DOCK10: variants seen among roughly 807,000 people sequenced by gnomAD.
The protein encoded by DOCK10 is dedicator of cytokinesis protein 10.
A neutral mutation model predicts 280.1 loss-of-function variants in DOCK10; 145 were observed. The ratio of observed to expected loss-of-function variants is 0.52; its 90% CI spans 0.45 to 0.59. DOCK10 has a LOEUF of 0.59. Among genes scored for constraint, DOCK10 ranks in the 20% least tolerant of loss-of-function variants. The pLI is 0.00. For missense variants in DOCK10, 2,368 were observed against 2,651.7 expected, an observed-to-expected ratio of 0.89 and a Z score of 2.35; for synonymous variants, 915 against 942.2, an observed-to-expected ratio of 0.97 and a Z score of 0.53.
Position 224,856,846 on chromosome 2 carries a change from T to TA in DOCK10, c.1808+13dup, listed in dbSNP as rs750422078. The TA allele has an allele frequency of 1.9e-5, 31 of 1,590,222 alleles. No homozygotes were observed. Among genetic ancestry groups the TA allele is most frequent in the South Asian group, 6.8e-5 (6 of 87,780 alleles). On this transcript the variant is annotated intron_variant, in intron 15 of 55. Coordinates refer to ENST00000258390, the MANE Select transcript of DOCK10 (RefSeq NM_014689.3). ...CTGATTTATGTTAATTTCGAGAGTATAAAAAAAACATACCTTCTATAATCT... is the reference window on the plus strand; with the variant it reads ...CTGATTTATGTTAATTTCGAGAGTATAAAAAAAAACATACCTTCTATAATCT...
Position 224,765,102 on chromosome 2 carries a change from G to A in DOCK10, c.*619C>T, listed in dbSNP as rs1360221741. 1 of 152,336 alleles carries A rather than the reference G, an allele frequency of 6.6e-6. No homozygotes were observed. The highest frequency in any genetic ancestry group is 6.6e-5 in the Admixed American group (1 of 15,258). 9.4% of individuals were successfully genotyped at this position (152,336 alleles called of 1,614,324 possible). A position where few individuals can be genotyped will look rare whatever the true frequency, so the allele number is the denominator to read the frequency against. Reference sequence around the variant, plus strand: ...ACAGGAAACCAAATGCAAAGTAACTGTGTTTTTTATTTCTATGAACAATAA... The same window carrying A: ...ACAGGAAACCAAATGCAAAGTAACTATGTTTTTTATTTCTATGAACAATAA... On this transcript the variant is annotated 3_prime_UTR_variant, in exon 56 of 56. Coordinates refer to ENST00000258390, the MANE Select transcript of DOCK10 (RefSeq NM_014689.3).
chr2:224,848,258 A>G (rs971330627), intron 19 of DOCK10, among the ~76,000 whole-genome samples: 10 of 152,214 alleles, frequency 6.6e-5, no homozygotes, highest in Non-Finnish European at 1.0e-4. Context: ...CTAAATGGTG[A>G]TAATGTGTGA....
At chr2:224,857,915 C>T (rs111663080) in intron 14 of DOCK10, among the ~76,000 whole-genome samples, 1 of 152,028 alleles carries the variant, frequency 6.6e-6, no homozygotes, top group South Asian at 2.1e-4. Flanking sequence ...TTAAATAGAA[C>T]ACCAAAAGAA....
chr2:225,009,445 T>A (rs529895810), intron 1 of DOCK10, among the ~76,000 whole-genome samples: 1 of 152,244 alleles, frequency 6.6e-6, no homozygotes, highest in Admixed American at 6.5e-5. Context: ...TGTCCACTTA[T>A]TAGCTTCAAT....
chr2:224,855,981 T>C (rs1289003420), intron 15 of DOCK10, among the ~76,000 whole-genome samples: 1 of 152,222 alleles, frequency 6.6e-6, no homozygotes, highest in Non-Finnish European at 1.5e-5. Context: ...TCTAAGTGTA[T>C]GGTGGAAATG....
chr2:225,012,446 C>T (rs959832918), intron 1 of DOCK10, among the ~76,000 whole-genome samples: 2 of 152,182 alleles, frequency 1.3e-5, no homozygotes, highest in African/African-American at 4.8e-5. Flanking sequence ...TAATTTTGTA[C>T]TAAATTCCAT....
intron 3 of DOCK10, among the ~76,000 whole-genome samples, chr2:224,909,807 T>TTTTTTTTTTTTTTTTTTTTGTTTTTTG (rs1553611074): frequency 2.0e-5 from 3 of 151,958 alleles, no homozygotes; most frequent in South Asian, 2.1e-4. Flanking sequence ...TGCAGTGTTT[T>TTTTTTTTTTTTTTTTTTTTGTTTTTTG]AATGGATGTG....
At chr2:224,873,422 C>CA (rs1223191879) in intron 11 of DOCK10, among the ~76,000 whole-genome samples, 2 of 151,430 alleles carry the variant, frequency 1.3e-5, no homozygotes, top group Non-Finnish European at 2.9e-5. Context: ...ATAAGAAATA[C>CA]AAAAAAATTA....
At chr2:224,780,205 T>C (rs1691218583) in intron 50 of DOCK10, among the ~76,000 whole-genome samples, 1 of 152,230 alleles carries the variant, frequency 6.6e-6, no homozygotes, top group Non-Finnish European at 1.5e-5. Flanking sequence ...GTTGAAAGCA[T>C]GTAAAGCAGC....
At chr2:224,966,810 T>G (rs1233238622) in intron 1 of DOCK10, among the ~76,000 whole-genome samples, 2 of 152,090 alleles carry the variant, frequency 1.3e-5, no homozygotes, top group Non-Finnish European at 2.9e-5. Context: ...TTATTGAGGC[T>G]GTGAACAAAT....
chr2:224,770,238 G>A lies in DOCK10; in HGVS notation c.6417C>T (p.Ser2139=), dbSNP rs780883039. 6.3e-7 allele frequency: 1 copy of A among 1,598,498 alleles called. No individual in the cohort carries two copies. The highest frequency in any genetic ancestry group is 1.3e-5 in the African/African-American group (1 of 74,600). Residue 2139 remains serine (S), a synonymous_variant, in exon 55 of 56, where the codon AGC becomes AGT. Coordinates refer to ENST00000258390, the MANE Select transcript of DOCK10 (RefSeq NM_014689.3). This position sits in a 1 kb window ranked among gnomAD's most constrained non-coding sequence, Gnocchi z 4.5. ...GCTCATTCATGACTGTGGAGAGTTC[G>A]CTGAGCATGTCCTTGTAGTGGGACC... is the stretch of plus-strand genomic sequence containing the variant. ...ELRSHYKDML[S]ELSTVMNEQI...
chr2:225,021,732 T>C (rs1268505261), intron 1 of DOCK10, among the ~76,000 whole-genome samples: 2 of 152,210 alleles, frequency 1.3e-5, no homozygotes, highest in Non-Finnish European at 2.9e-5. Context: ...TTCTGTTTGC[T>C]CCTTTAATTT....
At position 224,837,778 on chromosome 2, in the gene DOCK10, A is replaced by G; in HGVS notation, c.2834T>C (p.Val945Ala). Residue 945 changes from valine (V) to alanine (A), a missense_variant, in exon 25 of 56, where the codon GTC becomes GCC. By Grantham distance (64) the Val-to-Ala change is moderately conservative (BLOSUM62 0). Transcript: ENST00000258390. ...ATTTCATACCTTAATATATGACTGG[A>G]CAGAATGATCCAGCTGCTCCTCATG... The part of the protein sequence containing the change: ...KCHEEQLDHS[V>A]QSYIKFVFKT... 6.2e-7 allele frequency: 1 copy of G among 1,613,922 alleles called. No individual in the cohort carries two copies. Among genetic ancestry groups the G allele is most frequent in the Non-Finnish European group, 8.5e-7 (1 of 1,179,834 alleles).
intron 3 of DOCK10, among the ~76,000 whole-genome samples, chr2:224,903,414 C>T (rs1478434448): frequency 6.6e-6 from 1 of 152,122 alleles, no homozygotes; most frequent in East Asian, 1.9e-4. Flanking sequence ...CTACAGTAGC[C>T]TAAATTTTCA....
chr2:224,824,786 C>G (rs1694733758), intron 27 of DOCK10, among the ~76,000 whole-genome samples: 1 of 151,722 alleles, frequency 6.6e-6, no homozygotes, highest in African/African-American at 2.4e-5. Context: ...AAAATTAGAC[C>G]CAGACACATT....
chr2:224,812,459 C>T (rs1385177550), intron 31 of DOCK10, among the ~76,000 whole-genome samples: 1 of 152,154 alleles, frequency 6.6e-6, no homozygotes, highest in Non-Finnish European at 1.5e-5. Flanking sequence ...TCCTCTTTTC[C>T]TAATTGAATA....
intron 50 of DOCK10, chr2:224,784,626 T>C (rs1471493814): frequency 5.0e-6 from 5 of 1,005,680 alleles, no homozygotes; most frequent in Middle Eastern, 2.4e-4. Context: ...TCTCCCTTTG[T>C]ACCAAATGGT....
intron 1 of DOCK10, among the ~76,000 whole-genome samples, chr2:225,017,368 G>T (rs571866227): frequency 6.6e-6 from 1 of 151,662 alleles, no homozygotes; most frequent in Non-Finnish European, 1.5e-5. Flanking sequence ...TATAAGGAGA[G>T]AAATAGAAAT....
At chr2:224,967,329 C>G (rs865796299) in intron 1 of DOCK10, among the ~76,000 whole-genome samples, 35 of 152,280 alleles carry the variant, frequency 2.3e-4, no homozygotes, top group Middle Eastern at 3.4e-3. Context: ...ATCTGCCCAC[C>G]TCGGCCTCCC....
Sources: gnomAD v4.1 joint callset for allele counts (sites outside exome capture counted in the v4.1 genomes callset) on GRCh38, gnomAD v4.1.1 for gene constraint, Gnocchi (gnomAD v3.1) non-coding constraint, MANE v1.5 for transcripts, NCBI Gene and HGNC (gene_info 2026-07-23, HGNC 2026-07-21) for gene names.